IQSEC1: variants seen among roughly 807,000 people sequenced by gnomAD.
IQSEC1 encodes IQ motif and SEC7 domain-containing protein 1.
Under a neutral mutation model 91.0 loss-of-function variants are expected in IQSEC1, and 31 were observed. The ratio of observed to expected loss-of-function variants is 0.34; its 90% CI spans 0.26 to 0.46. The LOEUF (loss-of-function observed/expected upper bound fraction) is 0.46. IQSEC1 is among the 20% of genes least tolerant of loss of function. IQSEC1 has a pLI of 1.00. For synonymous variants in IQSEC1, 699 were observed against 662.6 expected, an observed-to-expected ratio of 1.05 and a Z score of -0.84; for missense variants, 1,388 against 1,575.6, an observed-to-expected ratio of 0.88 and a Z score of 2.02.
At chr3:12,950,286 A>T (rs1296989499) in intron 1 of IQSEC1, among the ~76,000 whole-genome samples, 1 of 152,254 alleles carries the variant, frequency 6.6e-6, no homozygotes, top group Non-Finnish European at 1.5e-5. Context: ...TCGGGACTGC[A>T]GTCCCCAAGA....
chr3:12,960,902 A>G (rs1325219782), intron 1 of IQSEC1, among the ~76,000 whole-genome samples: 2 of 152,086 alleles, frequency 1.3e-5, no homozygotes, highest in Admixed American at 1.3e-4. Context: ...CTCTCCCTCC[A>G]TTGTTCCCAT....
intron 1 of IQSEC1, among the ~76,000 whole-genome samples, chr3:13,016,991 G>A (rs1366157933): frequency 3.9e-5 from 6 of 152,290 alleles, no homozygotes; most frequent in African/African-American, 9.6e-5. Context: ...GTGGTCTTCC[G>A]TCTGGCTTCT....
chr3:12,926,119 T>C (rs1050003020), intron 3 of IQSEC1, among the ~76,000 whole-genome samples: 2 of 152,138 alleles, frequency 1.3e-5, no homozygotes, highest in African/African-American at 2.4e-5. Context: ...CAGACCAGCC[T>C]GGACAACATG....
At chr3:13,015,862 A>G (rs888327112) in intron 1 of IQSEC1, among the ~76,000 whole-genome samples, 6 of 152,154 alleles carry the variant, frequency 3.9e-5, no homozygotes, top group African/African-American at 1.4e-4. Context: ...CAGTCAATAA[A>G]TAATACACCC....
chr3:13,144,197 C>T (rs1303592926), intron 2 of IQSEC1, among the ~76,000 whole-genome samples: 1 of 152,248 alleles, frequency 6.6e-6, no homozygotes, highest in East Asian at 1.9e-4. Context: ...CCCCTGTCCC[C>T]TCTTTAGCCG....
At chr3:13,054,229 G>A (rs903560852) in intron 1 of IQSEC1, among the ~76,000 whole-genome samples, 4 of 152,310 alleles carry the variant, frequency 2.6e-5, no homozygotes, top group East Asian at 3.9e-4. Context: ...ACCAATTCCC[G>A]GCATGGCTGG....
At chr3:12,918,354 G>A (rs1696304892) in intron 6 of IQSEC1, among the ~76,000 whole-genome samples, 1 of 152,172 alleles carries the variant, frequency 6.6e-6, no homozygotes, top group South Asian at 2.1e-4. Flanking sequence ...GTGCAACCAT[G>A]GACAGGACCC....
chr3:13,022,030 T>A (rs1043627542), intron 1 of IQSEC1: 2 of 1,231,622 alleles, frequency 1.6e-6, no homozygotes, highest in African/African-American at 3.1e-5. Flanking sequence ...CGCGTCCCGG[T>A]ACCTGAGTGT....
At position 12,987,088 on chromosome 3, in the gene IQSEC1, G is replaced by A. The variant is rs114833097; in HGVS notation, c.24-45223C>T. The A allele has an allele frequency of 1.8e-3, 653 of 368,450 alleles. 1 individual carries two copies. The highest frequency in any genetic ancestry group is 0.012 in the African/African-American group (568 of 46,342). The allele number at this position is 368,450 out of a possible 1,614,324, so 22.8% of individuals were successfully genotyped here. ...CTCCCTCAGCCGTCCCCCATCTGGT[G>A]CTGCGGCCAGTGCGGGTCATAAACC... On this transcript the variant is annotated intron_variant, in intron 1 of 13. Transcript: ENST00000613206.
chr3:13,024,941 G>C (rs1419587656), intron 1 of IQSEC1, among the ~76,000 whole-genome samples: 1 of 152,204 alleles, frequency 6.6e-6, no homozygotes, highest in African/African-American at 2.4e-5. Flanking sequence ...TGCCCTCCAG[G>C]CTGTGATGAG....
At chr3:13,000,689 C>T (rs1416654798) in intron 1 of IQSEC1, among the ~76,000 whole-genome samples, 1 of 152,188 alleles carries the variant, frequency 6.6e-6, no homozygotes, top group East Asian at 1.9e-4. Context: ...AGCCAGCCCT[C>T]AAGGGCTGCC....
intron 3 of IQSEC1, among the ~76,000 whole-genome samples, chr3:12,934,962 G>C (rs1184345160): frequency 6.6e-6 from 1 of 151,434 alleles, no homozygotes; most frequent in African/African-American, 2.4e-5. Flanking sequence ...CCTACCCCCA[G>C]ACATGGCCTC....
intron 1 of IQSEC1, among the ~76,000 whole-genome samples, chr3:12,943,840 G>A (rs1698980903): frequency 5.9e-5 from 9 of 152,242 alleles, no homozygotes; most frequent in Admixed American, 5.9e-4. Flanking sequence ...ACGGCCCTTT[G>A]CTGCCAATTC....
At chr3:13,012,234 A>C (rs1702915459) in intron 1 of IQSEC1, among the ~76,000 whole-genome samples, 1 of 152,178 alleles carries the variant, frequency 6.6e-6, no homozygotes, top group Non-Finnish European at 1.5e-5. Context: ...AGAACCTAGC[A>C]CAGCCAGGTC....
intron 2 of IQSEC1, among the ~76,000 whole-genome samples, chr3:13,115,875 A>G (rs1706326704): frequency 6.6e-6 from 1 of 152,178 alleles, no homozygotes; most frequent in African/African-American, 2.4e-5. Flanking sequence ...CTCCCACTGC[A>G]TGGCTACCTG....
At chr3:13,056,281 T>G (rs923110290) in intron 1 of IQSEC1, among the ~76,000 whole-genome samples, 1 of 152,114 alleles carries the variant, frequency 6.6e-6, no homozygotes, top group African/African-American at 2.4e-5. Context: ...CCTGCAATCC[T>G]TGGAGTTCAG....
chr3:13,014,783 G>A (rs529067288), intron 1 of IQSEC1, among the ~76,000 whole-genome samples: 2 of 152,098 alleles, frequency 1.3e-5, no homozygotes, highest in African/African-American at 2.4e-5. Flanking sequence ...CAGAACCCAG[G>A]GAACATCCCC....
At chr3:13,181,702 G>C (rs1576285647) in intron 1 of IQSEC1, among the ~76,000 whole-genome samples, 1 of 152,242 alleles carries the variant, frequency 6.6e-6, no homozygotes, top group East Asian at 1.9e-4. Flanking sequence ...GGGCCACAAA[G>C]GAGGAGGAAA....
intron 2 of IQSEC1, among the ~76,000 whole-genome samples, chr3:13,127,241 C>T (rs554936749): frequency 1.3e-4 from 19 of 151,852 alleles, no homozygotes; most frequent in Non-Finnish European, 2.6e-4. Flanking sequence ...GGTGAAACCC[C>T]GCCTCTACTA....
Sources: allele counts gnomAD v4.1 joint callset (sites outside exome capture counted in the v4.1 genomes callset), GRCh38; gene constraint gnomAD v4.1.1; transcripts MANE v1.5; gene names NCBI Gene and HGNC (gene_info 2026-07-23, HGNC 2026-07-21).